Variants in PTPRD observed in about 807,000 individuals in gnomAD.
The protein encoded by PTPRD is receptor-type tyrosine-protein phosphatase delta.
In PTPRD, 34 loss-of-function variants were observed where a neutral mutation model predicts 214.5. The observed-to-expected ratio is 0.16, with a 90% CI of 0.12 to 0.21. The LOEUF is 0.21. Among genes scored for constraint, PTPRD ranks in the 10% least tolerant of loss-of-function variants. The pLI, the probability that PTPRD is intolerant of heterozygous loss-of-function variation, is 1.00. For missense variants in PTPRD, 2,545 were observed against 2,398.7 expected, an observed-to-expected ratio of 1.06 and a Z score of -1.27; for synonymous variants, 1,128 against 845.7, an observed-to-expected ratio of 1.33 and a Z score of -5.79.
At chr9:10,476,845 A>C (rs1438341388) in intron 2 of PTPRD, among the ~76,000 whole-genome samples, 2 of 152,110 alleles carry the variant, frequency 1.3e-5, no homozygotes, top group Non-Finnish European at 2.9e-5. Context: ...CACATCTACA[A>C]CCATCATATC....
At chr9:8,827,391 G>A (rs1601105902) in intron 11 of PTPRD, among the ~76,000 whole-genome samples, 1 of 152,292 alleles carries the variant, frequency 6.6e-6, no homozygotes, top group South Asian at 2.1e-4. Context: ...TGGATCACCT[G>A]AGGTCAAGGG....
At chr9:10,450,124 G>A (rs1289651602) in intron 2 of PTPRD, among the ~76,000 whole-genome samples, 1 of 151,698 alleles carries the variant, frequency 6.6e-6, no homozygotes, top group African/African-American at 2.4e-5. Flanking sequence ...AGGGTCCTCT[G>A]CCTAGGAAAA....
intron 3 of PTPRD, among the ~76,000 whole-genome samples, chr9:10,329,532 T>C (rs1200015184): frequency 6.6e-6 from 1 of 151,886 alleles, no homozygotes; most frequent in Non-Finnish European, 1.5e-5. Flanking sequence ...GGTAATCAAA[T>C]GGTCTGTCTG....
chr9:10,587,407 T>C (rs896014945), intron 2 of PTPRD, among the ~76,000 whole-genome samples: 4 of 152,118 alleles, frequency 2.6e-5, no homozygotes, highest in African/African-American at 4.8e-5. Context: ...CTATGGCATA[T>C]ATAACATTTT....
chr9:9,242,017 G>T (rs547647409), intron 9 of PTPRD, among the ~76,000 whole-genome samples: 1 of 152,160 alleles, frequency 6.6e-6, no homozygotes, highest in East Asian at 1.9e-4. Context: ...GCTTCCTTCA[G>T]GAGCTCTTGT....
chr9:10,057,382 G>A (rs537541916), intron 3 of PTPRD, among the ~76,000 whole-genome samples: 1 of 152,146 alleles, frequency 6.6e-6, no homozygotes, highest in East Asian at 1.9e-4. Flanking sequence ...AGCCACCAGG[G>A]TATGGAAAGA....
intron 2 of PTPRD, among the ~76,000 whole-genome samples, chr9:10,543,698 G>A (rs1029897804): frequency 9.9e-5 from 15 of 152,178 alleles, no homozygotes; most frequent in African/African-American, 3.4e-4. Flanking sequence ...CTAAGCTTTT[G>A]CAACATAACT....
chr9:10,202,302 C>T (rs1019014345), intron 3 of PTPRD, among the ~76,000 whole-genome samples: 2 of 151,632 alleles, frequency 1.3e-5, no homozygotes, highest in African/African-American at 4.8e-5. Flanking sequence ...AAAGCAGGAG[C>T]CCCCCCACAA....
chr9:9,667,872 G>A (rs1471677758), intron 7 of PTPRD, among the ~76,000 whole-genome samples: 2 of 152,138 alleles, frequency 1.3e-5, no homozygotes, highest in Non-Finnish European at 2.9e-5. Flanking sequence ...GCCACAAATG[G>A]TCTGGGGTGG....
chr9:8,903,869 C>T (rs533157054), intron 11 of PTPRD, among the ~76,000 whole-genome samples: 3 of 146,592 alleles, frequency 2.0e-5, no homozygotes, highest in Non-Finnish European at 4.4e-5. Context: ...GTTTTATGTT[C>T]CACATATTTA....
At chr9:9,977,136 G>C (rs895519566) in intron 4 of PTPRD, among the ~76,000 whole-genome samples, 1 of 152,144 alleles carries the variant, frequency 6.6e-6, no homozygotes, top group Non-Finnish European at 1.5e-5. Flanking sequence ...CAAAATCTCT[G>C]AAGCTTGCAG....
At chr9:9,304,429 C>A (rs1371670656) in intron 9 of PTPRD, among the ~76,000 whole-genome samples, 1 of 151,974 alleles carries the variant, frequency 6.6e-6, no homozygotes, top group Admixed American at 6.6e-5. Flanking sequence ...TGTGCATTTG[C>A]AACTTTTATT....
At chr9:9,802,080 G>A (rs531441497) in intron 5 of PTPRD, among the ~76,000 whole-genome samples, 1 of 152,102 alleles carries the variant, frequency 6.6e-6, no homozygotes, top group African/African-American at 2.4e-5. Context: ...TTGCTTAATT[G>A]CGACTCAAGT....
intron 12 of PTPRD, 148 bp from the exon 13 acceptor site, chr9:8,636,992 AG>A: frequency 1.3e-6 from 1 of 780,302 alleles, no homozygotes; most frequent in Non-Finnish European, 1.9e-6. Flanking sequence ...AAATTAGAAA[AG>A]CATCTTTTAC....
At chr9:8,382,086 C>A (rs1281342098) in intron 37 of PTPRD, among the ~76,000 whole-genome samples, 3 of 152,122 alleles carry the variant, frequency 2.0e-5, no homozygotes, top group Admixed American at 6.6e-5. Context: ...GCCTTTGACT[C>A]CAGTGTCACC....
chr9:8,373,913 T>TCTAC (rs151277325), intron 39 of PTPRD, among the ~76,000 whole-genome samples: 23 of 78,518 alleles, frequency 2.9e-4, no homozygotes, highest in Middle Eastern at 7.6e-3. Flanking sequence ...TATCTATCTA[T>TCTAC]CTACCTACCT....
chr9:8,320,643 G>T (rs12342740), intron 44 of PTPRD, among the ~76,000 whole-genome samples: 1,992 of 151,926 alleles, frequency 0.013, 43 homozygotes, highest in African/African-American at 0.045. Flanking sequence ...TCTCACAGGG[G>T]TCTCTAATCT....
At position 8,375,919 on chromosome 9, in the gene PTPRD, G is replaced by C. The variant is rs373322618; in HGVS notation, c.4661+17C>G. ...AGCTTTCTGTTTCCTGACTGCAAGT[G>C]AACAAACGCTTCTTACCTGCAGTGC... On this transcript the variant is annotated intron_variant, in intron 39 of 45. Coordinates refer to ENST00000381196, the MANE Select transcript of PTPRD (RefSeq NM_002839.4). 7.5e-6 allele frequency: 12 copies of C among 1,604,882 alleles called. No homozygotes were observed. Among genetic ancestry groups the C allele is most frequent in the Admixed American group, 1.7e-5 (1 of 58,492 alleles).
intron 2 of PTPRD, among the ~76,000 whole-genome samples, chr9:10,355,239 TG>T (rs1429035241): frequency 2.6e-5 from 4 of 152,136 alleles, no homozygotes; most frequent in African/African-American, 9.7e-5. Context: ...AATAGAGCAT[TG>T]TGTGAAATTT....
Sources: gnomAD v4.1 joint callset for allele counts (sites outside exome capture counted in the v4.1 genomes callset) on GRCh38, gnomAD v4.1.1 for gene constraint, MANE v1.5 for transcripts, NCBI Gene and HGNC (gene_info 2026-07-23, HGNC 2026-07-21) for gene names.